The following MGAT4C variants were observed in gnomAD, a reference collection of about 807,000 sequenced individuals.
The protein encoded by MGAT4C is alpha-1,3-mannosyl-glycoprotein 4-beta-N-acetylglucosaminyltransferase C.
MGAT4C carries 19 observed loss-of-function variants against 40.1 expected under a neutral mutation model. The observed-to-expected ratio is 0.47, with a 90% CI of 0.33 to 0.70. The LOEUF is 0.70. MGAT4C is among the 30% of genes least tolerant of loss of function. The pLI, the probability that MGAT4C is intolerant of heterozygous loss-of-function variation, is 0.02. For missense variants in MGAT4C, 491 were observed against 563.2 expected (o/e 0.87, Z 1.30); for synonymous variants, 181 against 187.1 (o/e 0.97, Z 0.27).
chr12:86,259,454 T>G (rs1952609914), upstream of MGAT4C, among the ~76,000 whole-genome samples: 2 of 152,096 alleles, frequency 1.3e-5, no homozygotes, highest in South Asian at 2.1e-4. Flanking sequence ...ATTCTAAATG[T>G]AAAAATGTTA....
chr12:86,612,401 T>C (rs1280188604), intron 2 of MGAT4C, among the ~76,000 whole-genome samples: 1 of 152,084 alleles, frequency 6.6e-6, no homozygotes, highest in Admixed American at 6.6e-5. Context: ...CACATAGATT[T>C]TCAGGTCAAG....
At chr12:86,675,792 C>T (rs900413244) in intron 2 of MGAT4C, among the ~76,000 whole-genome samples, 1 of 151,850 alleles carries the variant, frequency 6.6e-6, no homozygotes, top group South Asian at 2.1e-4. Flanking sequence ...ATGGAGATAT[C>T]CATCACCTTA....
chr12:86,446,294 G>C (rs1345119787), intron 2 of MGAT4C, among the ~76,000 whole-genome samples: 1 of 151,788 alleles, frequency 6.6e-6, no homozygotes, highest in Non-Finnish European at 1.5e-5. Context: ...AAAAAACAAA[G>C]TCATTTGAAT....
chr12:85,972,780 ATACTT>A lies in MGAT4C; in HGVS notation c.*6504_*6508del, dbSNP rs1883690082. 1 of 151,074 alleles carries A rather than the reference ATACTT, an allele frequency of 6.6e-6. No homozygotes were observed. The highest frequency in any genetic ancestry group is 2.1e-4 in the South Asian group (1 of 4,832). The allele number at this position is 151,074 out of a possible 1,614,324, so 9.4% of individuals were successfully genotyped here. Reference sequence around the variant, plus strand: ...ATAATTATTCTAACTTTTTGGAACTATACTTTCACTCATTGATGAAGTAAGTTACA... The same window carrying A: ...ATAATTATTCTAACTTTTTGGAACTATCACTCATTGATGAAGTAAGTTACA... On this transcript the variant is annotated 3_prime_UTR_variant, in exon 5 of 5. Coordinates refer to ENST00000611864, the MANE Select transcript of MGAT4C (RefSeq NM_001351288.2).
intron 3 of MGAT4C, among the ~76,000 whole-genome samples, chr12:86,362,353 G>A (rs1160763528): frequency 2.0e-5 from 3 of 152,134 alleles, no homozygotes; most frequent in Non-Finnish European, 4.4e-5. Context: ...GAGGGGAGGA[G>A]GGAGGGATAG....
intron 4 of MGAT4C, among the ~76,000 whole-genome samples, chr12:86,312,074 T>G (rs935550330): frequency 2.0e-5 from 3 of 152,210 alleles, no homozygotes; most frequent in African/African-American, 7.2e-5. Flanking sequence ...TTTGTTTTGT[T>G]TTGTTGTTTC....
At chr12:86,056,321 G>GT (rs1893383544) in intron 1 of MGAT4C, among the ~76,000 whole-genome samples, 1 of 152,094 alleles carries the variant, frequency 6.6e-6, no homozygotes, top group Admixed American at 6.6e-5. Flanking sequence ...TGCCATGTTG[G>GT]TTTGCTTCAC....
At position 86,324,737 on chromosome 12, in the gene MGAT4C, C is replaced by T. The variant is rs963173619; in HGVS notation, c.-57+9328G>A. On this transcript the variant is annotated intron_variant, in intron 4 of 7. Coordinates refer to the MGAT4C transcript ENST00000548651. ...GCTTGTGCAAAGCAAATTAGAAAAA[C>T]AATCAATATTTCTTTTCCAGAAACA... Among the ~76,000 whole-genome samples, 16 of 149,334 alleles carry T rather than the reference C, an allele frequency of 1.1e-4. No homozygotes were observed. The East Asian group carries it at 3.3e-3, about 31-fold the overall frequency.
upstream of MGAT4C, among the ~76,000 whole-genome samples, chr12:86,260,283 C>T (rs1952632746): frequency 1.3e-5 from 2 of 152,044 alleles, no homozygotes; most frequent in Admixed American, 1.3e-4. Flanking sequence ...TTGTTTCAAC[C>T]CCTTGCTCCC....
chr12:86,761,828 A>G (rs1593181426), intron 1 of MGAT4C, among the ~76,000 whole-genome samples: 1 of 152,010 alleles, frequency 6.6e-6, no homozygotes, highest in Non-Finnish European at 1.5e-5. Context: ...GACCTTTGTG[A>G]TAGAATCTAG....
At chr12:86,252,890 T>C (rs905002818) in intron 1 of MGAT4C, among the ~76,000 whole-genome samples, 2 of 151,910 alleles carry the variant, frequency 1.3e-5, no homozygotes, top group Non-Finnish European at 2.9e-5. Flanking sequence ...CAAAAATGAT[T>C]GATACTGTTT....
intron 1 of MGAT4C, among the ~76,000 whole-genome samples, chr12:86,219,012 C>G (rs1473972920): frequency 1.6e-4 from 24 of 151,902 alleles, no homozygotes; most frequent in Non-Finnish European, 1.5e-5. Context: ...AACCCCGTCT[C>G]TACTAAAAAA....
intron 1 of MGAT4C, among the ~76,000 whole-genome samples, chr12:86,134,987 CT>C (rs1881744480): frequency 6.6e-6 from 1 of 152,030 alleles, no homozygotes; most frequent in Admixed American, 6.6e-5. Flanking sequence ...TATAGGATAC[CT>C]TTGTTTAAAT....
In MGAT4C at chr12:85,979,167, G is replaced by A; in HGVS notation, c.*122C>T. On this transcript the variant is annotated 3_prime_UTR_variant, in exon 5 of 5. Coordinates refer to ENST00000611864, the MANE Select transcript of MGAT4C (RefSeq NM_001351288.2). Reference sequence around the variant, plus strand: ...TGTCAACAATGTATAAATGAAAACTGCCAATGTAATTAATGTTTCTTTTAA... The same window carrying A: ...TGTCAACAATGTATAAATGAAAACTACCAATGTAATTAATGTTTCTTTTAA... The A allele has an allele frequency of 1.4e-6, 1 of 718,478 alleles. No individual in the cohort carries two copies. The highest frequency in any genetic ancestry group is 3.2e-5 in the Admixed American group (1 of 31,450). The allele number at this position is 718,478 out of a possible 1,614,324, so 44.5% of individuals were successfully genotyped here.
At chr12:86,628,730 A>T (rs959594758) in intron 2 of MGAT4C, among the ~76,000 whole-genome samples, 1 of 152,208 alleles carries the variant, frequency 6.6e-6, no homozygotes, top group Non-Finnish European at 1.5e-5. Flanking sequence ...CCGCCTTACA[A>T]GAGCTACTGA....
intron 2 of MGAT4C, among the ~76,000 whole-genome samples, chr12:86,637,603 C>T (rs900238092): frequency 1.3e-5 from 2 of 151,902 alleles, no homozygotes; most frequent in Admixed American, 1.3e-4. Flanking sequence ...ATTCTCACTT[C>T]CCACTACTTC....
chr12:86,080,628 A>G (rs1206942134), intron 1 of MGAT4C, among the ~76,000 whole-genome samples: 1 of 152,174 alleles, frequency 6.6e-6, no homozygotes, highest in African/African-American at 2.4e-5. Flanking sequence ...CACCGGTACC[A>G]TGAATTCAAC....
chr12:85,968,915 G>A lies in MGAT4C; in HGVS notation c.*10374C>T, dbSNP rs1320110637. Reference sequence around the variant, plus strand: ...ATTTCACTAACAAGGTCAGAGTTTTGATACATCACTTAACTCAAACTTTGA... The same window carrying A: ...ATTTCACTAACAAGGTCAGAGTTTTAATACATCACTTAACTCAAACTTTGA... On this transcript the variant is annotated 3_prime_UTR_variant, in exon 5 of 5. Transcript: ENST00000611864. The A allele has an allele frequency of 6.6e-6, 1 of 151,780 alleles. No homozygotes were observed. Among genetic ancestry groups the A allele is most frequent in the African/African-American group, 2.4e-5 (1 of 41,378 alleles). 9.4% of individuals were successfully genotyped at this position (151,780 alleles called of 1,614,324 possible). A position where few individuals can be genotyped will look rare whatever the true frequency, so the allele number is the denominator to read the frequency against.
chr12:86,099,385 TGG>T (rs11295639), intron 1 of MGAT4C, among the ~76,000 whole-genome samples: 9 of 149,854 alleles, frequency 6.0e-5, no homozygotes, highest in Non-Finnish European at 1.2e-4. Flanking sequence ...TTCTTTCTTT[TGG>T]GGGGGGGCAA....
Sources: allele counts gnomAD v4.1 joint callset (sites outside exome capture counted in the v4.1 genomes callset), GRCh38; gene constraint gnomAD v4.1.1; transcripts MANE v1.5; gene names NCBI Gene and HGNC (gene_info 2026-07-23, HGNC 2026-07-21).